FLT4: variants seen among roughly 807,000 people sequenced by gnomAD.
The protein encoded by FLT4 is fms related receptor tyrosine kinase 4.
A neutral mutation model predicts 163.2 loss-of-function variants in FLT4; 30 were observed. The observed-to-expected ratio is 0.18, with a 90% CI of 0.14 to 0.25. FLT4 has a LOEUF of 0.25. Ranked by LOEUF, FLT4 falls within the 10% of genes least tolerant of loss-of-function variation. The pLI, the probability that FLT4 is intolerant of heterozygous loss-of-function variation, is 1.00. For missense variants in FLT4, 1,510 were observed against 1,863.8 expected (o/e 0.81, Z 3.50); for synonymous variants, 884 against 789.5 (o/e 1.12, Z -2.01).
intron 8 of FLT4, among the ~76,000 whole-genome samples, chr5:180,626,778 G>T (rs187255512): frequency 7.7e-4 from 117 of 152,346 alleles, no homozygotes; most frequent in African/African-American, 2.6e-3. Context: ...TGACATGTGC[G>T]TGGCCCCTGC....
chr5:180,614,194 G>A lies in FLT4; in HGVS notation c.3220-15C>T, dbSNP rs1762433457. ...GGCAGCCGGGCCTGGGGAGACAGAG[G>A]GAAGCTTGTCCCGTGGTGGATGGGG... On this transcript the variant is annotated splice_polypyrimidine_tract_variant and intron_variant, in intron 23 of 29. Coordinates refer to ENST00000261937, the MANE Select transcript of FLT4 (RefSeq NM_182925.5). 4 of 1,581,958 alleles carry A rather than the reference G, an allele frequency of 2.5e-6. No homozygotes were observed.
intron 17 of FLT4, 98 bp from the exon 18 acceptor site, chr5:180,619,867 G>T: frequency 2.2e-6 from 2 of 897,312 alleles, no homozygotes; most frequent in Non-Finnish European, 3.6e-6. Context: ...CAGGAGGACA[G>T]GCCTGGCAGC....
intron 6 of FLT4, 121 bp downstream of exon 6, chr5:180,629,575 C>A: frequency 6.8e-7 from 1 of 1,460,274 alleles, no homozygotes; most frequent in East Asian, 2.4e-5. Flanking sequence ...ACTTGCCACT[C>A]AGACCGGGGC....
upstream of FLT4, chr5:180,649,621 G>A (rs995645078): frequency 2.2e-5 from 18 of 821,578 alleles, no homozygotes; most frequent in Admixed American, 8.5e-4. Flanking sequence ...GCGCCGGCTG[G>A]CCTGGGGCGG....
intron 10 of FLT4, among the ~76,000 whole-genome samples, chr5:180,625,173 A>T (rs978653428): frequency 2.6e-5 from 4 of 152,304 alleles, no homozygotes; most frequent in African/African-American, 7.2e-5. Context: ...CTAAAAGGCA[A>T]ACCTGAGCCA....
chr5:180,626,443 C>T (rs540063949), intron 8 of FLT4, among the ~76,000 whole-genome samples, 178 bp from the exon 9 acceptor site: 4 of 152,154 alleles, frequency 2.6e-5, no homozygotes, highest in African/African-American at 4.8e-5. Flanking sequence ...GTCTCCAGGC[C>T]GTATCTGCCA....
chr5:180,608,329 C>T, intron 29 of FLT4: 1 of 700,844 alleles, frequency 1.4e-6, no homozygotes, highest in Non-Finnish European at 2.6e-6. Flanking sequence ...ACTTGCTTCA[C>T]CTTATCAATC....
chr5:180,603,421 GAGA>G, intron 29 of FLT4, 31 bp from the exon 30 acceptor site: 4 of 1,606,318 alleles, frequency 2.5e-6, no homozygotes, highest in East Asian at 2.2e-5. Context: ...GTGTTAGTAA[GAGA>G]AGAAGGCTGG....
At chr5:180,649,874 G>T (rs575709812), upstream of FLT4, among the ~76,000 whole-genome samples, 5 of 152,248 alleles carry the variant, frequency 3.3e-5, no homozygotes, top group South Asian at 8.3e-4. Context: ...GCAAAATGCG[G>T]CACGCGCTCT....
intron 8 of FLT4, among the ~76,000 whole-genome samples, chr5:180,627,225 G>A (rs1341078718): frequency 6.6e-6 from 1 of 152,216 alleles, no homozygotes; most frequent in Non-Finnish European, 1.5e-5. Context: ...TGTCCTGGGA[G>A]AGGCACAGCC....
chr5:180,641,109 G>A (rs2127862175), intron 1 of FLT4, among the ~76,000 whole-genome samples: 1 of 152,342 alleles, frequency 6.6e-6, no homozygotes, highest in Non-Finnish European at 1.5e-5. Context: ...CTGCTCTCCA[G>A]CAGGCTCCTC....
rs366388 is a variant in FLT4, at chr5:180,614,008, T to C, written c.3331+60A>G. ...TCCCTTACTCCAGCAGGGGCGGTCATGTAACCTGCCGCCAGTGACCTCGCC... is the reference window on the plus strand; with the variant it reads ...TCCCTTACTCCAGCAGGGGCGGTCACGTAACCTGCCGCCAGTGACCTCGCC... On this transcript the variant is annotated intron_variant, in intron 24 of 29. Transcript: ENST00000261937. 1,160,674 of 1,194,790 alleles carry C rather than the reference T, an allele frequency of 0.97. 566,285 individuals are homozygous for C. Among genetic ancestry groups the C allele is most frequent in the Non-Finnish European group, 1 (795,542 of 797,504 alleles). 74.0% of individuals were successfully genotyped at this position (1,194,790 alleles called of 1,614,324 possible).
rs73812625 is a variant in FLT4 at position 180,625,580 on chromosome 5, G to A, written c.1421+289C>T. On this transcript the variant is annotated intron_variant, in intron 10 of 29. Coordinates refer to ENST00000261937, the MANE Select transcript of FLT4 (RefSeq NM_182925.5). ...TTCTCCCTCCAGATGATGCAATTAC[G>A]TGTCCAGAGGTCTTCGCTCTTGAGG... 2.7e-3 allele frequency among the ~76,000 whole-genome samples: 413 copies of A among 152,338 alleles called. 3 individuals carry two copies. Among genetic ancestry groups the A allele is most frequent in the African/African-American group, 9.3e-3 (385 of 41,578 alleles).
At chr5:180,608,215 T>C in intron 29 of FLT4, 1 of 700,784 alleles carries the variant, frequency 1.4e-6, no homozygotes, top group Admixed American at 2.0e-5. Flanking sequence ...TTAAAGTCTT[T>C]GATCTTTCTT....
chr5:180,615,684 C>T (rs111567240), intron 23 of FLT4, among the ~76,000 whole-genome samples: 2 of 63,534 alleles, frequency 3.1e-5, no homozygotes, highest in African/African-American at 6.0e-5. Context: ...CTGGGCCTGC[C>T]GGTCACCTCC....
chr5:180,622,039 C>T (rs1049492219), intron 12 of FLT4, 135 bp from the exon 13 acceptor site: 11 of 1,017,280 alleles, frequency 1.1e-5, no homozygotes, highest in African/African-American at 3.2e-5. Flanking sequence ...GCTTGCCCCC[C>T]GCCCCACCAA....
chr5:180,628,342 C>T (rs955796754), intron 8 of FLT4, among the ~76,000 whole-genome samples: 3 of 152,182 alleles, frequency 2.0e-5, no homozygotes, highest in East Asian at 1.9e-4. Context: ...TTCTCTGGGC[C>T]GCAGCACACG....
At chr5:180,605,518 T>G (rs1377566726) in intron 29 of FLT4, among the ~76,000 whole-genome samples, 3 of 152,208 alleles carry the variant, frequency 2.0e-5, no homozygotes, top group Admixed American at 2.0e-4. Flanking sequence ...GGTGCTTTTT[T>G]GGGGGTTCAG....
intron 12 of FLT4, 65 bp downstream of exon 12, chr5:180,622,666 T>G (rs1407198244): frequency 4.0e-6 from 4 of 990,692 alleles, no homozygotes; most frequent in Non-Finnish European, 6.5e-6. Context: ...AGAAACTCAA[T>G]GAGCCCAAAC....
Sources: allele counts gnomAD v4.1 joint callset (sites outside exome capture counted in the v4.1 genomes callset), GRCh38; gene constraint gnomAD v4.1.1; transcripts MANE v1.5; gene names NCBI Gene and HGNC (gene_info 2026-07-23, HGNC 2026-07-21).